Variants in CALR3 observed in about 807,000 individuals in gnomAD.
CALR3 encodes calreticulin-3.
CALR3 carries 39 observed loss-of-function variants against 48.7 expected under a neutral mutation model. That is an observed-to-expected ratio of 0.80 (90% CI 0.62 to 1.05). The LOEUF (loss-of-function observed/expected upper bound fraction) is 1.05. Among genes scored for constraint, CALR3 ranks in the 50% least tolerant of loss-of-function variants. The pLI is 0.00. For missense variants in CALR3, 449 were observed against 474.7 expected, an observed-to-expected ratio of 0.95 and a Z score of 0.50; for synonymous variants, 185 against 172.7, an observed-to-expected ratio of 1.07 and a Z score of -0.56.
intron 2 of CALR3, among the ~76,000 whole-genome samples, chr19:16,492,254 C>T (rs1040511516): frequency 9.2e-5 from 14 of 151,670 alleles, no homozygotes; most frequent in Middle Eastern, 3.5e-3. Flanking sequence ...GTCAGAAGTT[C>T]GAGACCAGCC....
rs745824868 is a variant in CALR3, at chr19:16,495,719, T to C, written c.193+32A>G. 5 of 1,531,258 alleles carry C rather than the reference T, an allele frequency of 3.3e-6. No homozygotes were observed. The Admixed American group carries it at 6.7e-5, about 20-fold the overall frequency. The allele number at this position is 1,531,258 out of a possible 1,614,324, so 94.9% of individuals were successfully genotyped here. ...AGAGGTTGCTATGGAAATGTAACAT[T>C]AGGCTCAATTTGGTCCTGATTCTAC... is the stretch of plus-strand genomic sequence containing the variant. On this transcript the variant is annotated intron_variant, in intron 2 of 8. Transcript: ENST00000269881.
Position 16,482,782 on chromosome 19 carries a change from A to G in CALR3, c.682T>C (p.Trp228Arg). Reference protein sequence around the residue: ...EQTKDNKAQDWEKHFLDASTS... With the variant: ...EQTKDNKAQDREKHFLDASTS... ...CTGGCGTCCAGAAAATGCTTCTCCC[A>G]GTCCTTCAAAGACATGTAAGGAAAA... The change falls in exon 6 of 9, where the codon TGG (tryptophan) becomes CGG (arginine). Residue 228 changes from tryptophan (W) to arginine (R), a missense_variant. Coordinates refer to ENST00000269881, the MANE Select transcript of CALR3 (RefSeq NM_145046.5). The G allele has an allele frequency of 6.2e-7, 1 of 1,612,510 alleles. No individual in the cohort carries two copies. The highest frequency in any genetic ancestry group is 1.3e-5 in the African/African-American group (1 of 75,010).
chr19:16,487,910 T>C (rs183685887), intron 3 of CALR3, among the ~76,000 whole-genome samples: 3,737 of 151,596 alleles, frequency 0.025, 72 homozygotes, highest in Non-Finnish European at 0.039. Context: ...GCCTCCCAGG[T>C]TCAGGCCATT....
At chr19:16,484,803 C>A (rs550528472) in intron 4 of CALR3, among the ~76,000 whole-genome samples, 1 of 152,318 alleles carries the variant, frequency 6.6e-6, no homozygotes, top group African/African-American at 2.4e-5. Context: ...CAGGTGTGAG[C>A]CACTGCACCC....
intron 7 of CALR3, among the ~76,000 whole-genome samples, chr19:16,481,746 C>G (rs924657591): frequency 6.6e-6 from 1 of 151,758 alleles, no homozygotes; most frequent in Admixed American, 6.6e-5. Flanking sequence ...CAATCTGCCC[C>G]CCTCAGCCTC....
chr19:16,490,233 C>T (rs1004756404), intron 3 of CALR3, 134 bp downstream of exon 3: 2 of 757,112 alleles, frequency 2.6e-6, no homozygotes, highest in South Asian at 1.6e-5. Flanking sequence ...CTCAATACTA[C>T]TACAAACCTT....
rs1413720533 is a variant in CALR3 at position 16,482,675 on chromosome 19, C to A, written c.786+3G>T. On this transcript the variant is annotated splice_donor_region_variant and intron_variant, in intron 6 of 8. Coordinates refer to ENST00000269881, the MANE Select transcript of CALR3 (RefSeq NM_145046.5). ...CCTGGCATCATACAAAGAGGCCACA[C>A]ACCTGGTACGGGGGCTTCTGGAGCA... 1.3e-5 allele frequency: 21 copies of A among 1,614,070 alleles called. No individual in the cohort carries two copies. Among genetic ancestry groups the A allele is most frequent in the Non-Finnish European group, 1.8e-5 (21 of 1,180,046 alleles).
chr19:16,481,989 C>T (rs970804914), intron 7 of CALR3, among the ~76,000 whole-genome samples: 2 of 144,486 alleles, frequency 1.4e-5, no homozygotes, highest in Non-Finnish European at 3.0e-5. Flanking sequence ...TCACTGCAAG[C>T]TCTGCCTCCC....
At chr19:16,483,613 G>GTGCCTGT in intron 5 of CALR3, 1 of 198,246 alleles carries the variant, frequency 5.0e-6, no homozygotes, top group Non-Finnish European at 1.0e-5. Context: ...AGGTATTCGG[G>GTGCCTGT]AGGCTGAGGC....
chr19:16,490,380 G>A lies in CALR3; in HGVS notation c.384C>T (p.Tyr128=). The A allele has an allele frequency of 6.2e-7, 1 of 1,614,140 alleles. No homozygotes were observed. Among genetic ancestry groups the A allele is most frequent in the Non-Finnish European group, 8.5e-7 (1 of 1,180,012 alleles). The change falls in exon 3 of 9, where the codon TAC becomes TAT. Residue 128 remains tyrosine, a synonymous_variant. Transcript: ENST00000269881. ...ACGTAAACTCACCAAACATAATATA[G>A]TACTGCGATTTTCCATTCAGGTTCT... ...DQKNLNGKSQ[Y]YIMFGPDICG...
In CALR3 at chr19:16,480,638, G is replaced by C. The variant is rs753739592; in HGVS notation, c.987C>G (p.Gly329=). The C allele has an allele frequency of 7.4e-6, 12 of 1,613,412 alleles. No homozygotes were observed. Among genetic ancestry groups the C allele is most frequent in the South Asian group, 1.1e-5 (1 of 91,062 alleles). ...TDDEEYADNF[G]KATWGETKGP... is the part of the protein sequence containing the mutation. ...CCTTGGTTTCGCCCCAGGTGGCCTT[G>C]CCAAAATTATCTGCGTACTCTTCAT... The change falls in exon 8 of 9, where the codon GGC becomes GGG. Residue 329 remains glycine, a synonymous_variant. Coordinates refer to ENST00000269881, the MANE Select transcript of CALR3 (RefSeq NM_145046.5).
chr19:16,488,811 T>A (rs574924825), intron 3 of CALR3, among the ~76,000 whole-genome samples: 1 of 152,318 alleles, frequency 6.6e-6, no homozygotes, highest in South Asian at 2.1e-4. Context: ...TTTAATCAAG[T>A]ACCCCTGTTG....
chr19:16,490,216 C>A (rs375166621), intron 3 of CALR3, 151 bp downstream of exon 3: 4 of 691,312 alleles, frequency 5.8e-6, no homozygotes. Flanking sequence ...TGCTTGGATC[C>A]GATACACTCA....
At chr19:16,479,550 T>C (rs2093377259) in intron 8 of CALR3, among the ~76,000 whole-genome samples, 1 of 147,356 alleles carries the variant, frequency 6.8e-6, no homozygotes, top group Admixed American at 6.8e-5. Flanking sequence ...ATCACTCTAC[T>C]GCACTCCATC....
At chr19:16,480,148 G>A (rs1041816348) in intron 8 of CALR3, among the ~76,000 whole-genome samples, 13 of 142,004 alleles carry the variant, frequency 9.2e-5, no homozygotes, top group Non-Finnish European at 3.0e-5. Flanking sequence ...GTTGCAGTGC[G>A]CCGAGATCAC....
intron 8 of CALR3, among the ~76,000 whole-genome samples, chr19:16,480,074 G>T (rs529262882): frequency 4.5e-4 from 68 of 151,770 alleles, no homozygotes; most frequent in African/African-American, 1.6e-3. Flanking sequence ...GTGGTGGCAG[G>T]TGCCTGTAGT....
At chr19:16,491,359 T>C (rs574487029) in intron 2 of CALR3, among the ~76,000 whole-genome samples, 2 of 147,414 alleles carry the variant, frequency 1.4e-5, no homozygotes, top group African/African-American at 2.5e-5. Flanking sequence ...CCTGACCTCA[T>C]GATCCGCCTG....
rs191754297 is a variant in CALR3 at position 16,487,938 on chromosome 19, C to T, written c.397+2429G>A. On this transcript the variant is annotated intron_variant, in intron 3 of 8. Transcript: ENST00000269881. The stretch of plus-strand genomic sequence containing the variant: ...AGGCCATTCTCCTGCCTCAGCCTCC[C>T]GAGTAGATGGGACTACAGGTGCCCA... Among the ~76,000 whole-genome samples, 83 of 151,864 alleles carry T rather than the reference C, an allele frequency of 5.5e-4. 1 individual carries two copies. The East Asian group carries it at 0.013, about 24-fold the overall frequency.
At chr19:16,483,757 G>T in intron 5 of CALR3, 173 bp downstream of exon 5, 1 of 623,028 alleles carries the variant, frequency 1.6e-6, no homozygotes, top group Non-Finnish European at 2.8e-6. Flanking sequence ...AATGTTTTAC[G>T]ATACCTTCAG....
Sources: allele counts gnomAD v4.1 joint callset (sites outside exome capture counted in the v4.1 genomes callset), GRCh38; gene constraint gnomAD v4.1.1; transcripts MANE v1.5; gene names NCBI Gene and HGNC (gene_info 2026-07-23, HGNC 2026-07-21).